DLGAP1: variants seen among roughly 807,000 people sequenced by gnomAD.
The protein encoded by DLGAP1 is DLG associated protein 1.
DLGAP1 carries 11 observed loss-of-function variants against 90.8 expected under a neutral mutation model. That is an observed-to-expected ratio of 0.12 (90% CI 0.08 to 0.20). The LOEUF is 0.20. DLGAP1 is among the 10% of genes least tolerant of loss of function. DLGAP1 has a pLI of 1.00. For missense variants in DLGAP1, 1,050 were observed against 1,333.8 expected (o/e 0.79, Z 3.31); for synonymous variants, 558 against 540.7 (o/e 1.03, Z -0.44).
chr18:4,200,615 A>G (rs1026806205), intron 1 of DLGAP1, among the ~76,000 whole-genome samples: 2 of 151,658 alleles, frequency 1.3e-5, no homozygotes, highest in Non-Finnish European at 2.9e-5. Context: ...TAAAAAAAAT[A>G]TTGTGAAAAT....
intron 4 of DLGAP1, among the ~76,000 whole-genome samples, chr18:3,828,576 G>A (rs2067851962): frequency 7.1e-6 from 1 of 141,678 alleles, no homozygotes. Flanking sequence ...GGAGCTGAAG[G>A]CTCCAGTGAG....
intron 2 of DLGAP1, among the ~76,000 whole-genome samples, chr18:4,055,455 C>A (rs974542717): frequency 6.6e-6 from 1 of 152,112 alleles, no homozygotes; most frequent in African/African-American, 2.4e-5. Context: ...CTCAAGTGGG[C>A]CCCGGTGTCG....
intron 7 of DLGAP1, among the ~76,000 whole-genome samples, chr18:3,610,695 CA>C (rs2057565475): frequency 6.6e-6 from 1 of 151,856 alleles, no homozygotes; most frequent in Non-Finnish European, 1.5e-5. Context: ...AAAAAATAGC[CA>C]GATGTTGTGG....
At chr18:3,715,742 C>A (rs1388852331) in intron 7 of DLGAP1, among the ~76,000 whole-genome samples, 1 of 152,068 alleles carries the variant, frequency 6.6e-6, no homozygotes, top group Non-Finnish European at 1.5e-5. Flanking sequence ...TGAAAGCATG[C>A]CCTTGAGAGC....
At chr18:3,644,327 C>T (rs2059042952) in intron 7 of DLGAP1, among the ~76,000 whole-genome samples, 2 of 152,116 alleles carry the variant, frequency 1.3e-5, no homozygotes, top group African/African-American at 4.8e-5. Flanking sequence ...CAATCTTTGA[C>T]CTCGTAACTC....
chr18:4,123,486 T>C (rs940503725), intron 2 of DLGAP1, among the ~76,000 whole-genome samples: 2 of 152,130 alleles, frequency 1.3e-5, no homozygotes, highest in Non-Finnish European at 2.9e-5. Flanking sequence ...ACTCGGACTG[T>C]GGGACAGAAA....
intron 3 of DLGAP1, among the ~76,000 whole-genome samples, chr18:3,989,609 G>C (rs191965625): frequency 1.5e-4 from 23 of 152,302 alleles, no homozygotes; most frequent in East Asian, 9.7e-4. Flanking sequence ...ATGTTAACTT[G>C]TCAGTCTTGA....
In DLGAP1 at chr18:4,313,985, G is replaced by A. The variant is rs367562394; in HGVS notation, c.-267+141021C>T. ...TTGCCATGGGGACAAGGATAAGCAC[G>A]GGAGTTTCAGAAGCAAAAATCAGAG... On this transcript the variant is annotated intron_variant, in intron 1 of 12. Coordinates refer to ENST00000315677, the MANE Select transcript of DLGAP1 (RefSeq NM_004746.4). Among the ~76,000 whole-genome samples, 11 of 152,260 alleles carry A rather than the reference G, an allele frequency of 7.2e-5. No individual in the cohort carries two copies. The East Asian group carries it at 9.7e-4, about 13-fold the overall frequency.
chr18:4,318,218 C>T (rs931156298), intron 1 of DLGAP1, among the ~76,000 whole-genome samples: 1 of 152,182 alleles, frequency 6.6e-6, no homozygotes, highest in Non-Finnish European at 1.5e-5. Context: ...GGCTCAAATA[C>T]TTCCCAGAAA....
In DLGAP1 at chr18:3,605,204, A is replaced by T. The variant is rs138208539; in HGVS notation, c.1592-22956T>A. Reference sequence around the variant, plus strand: ...AACCCATCAAGTTCCCTGGGTTTGCATGTGCAATCGATTCCTCGTTAGGGA... The same window carrying T: ...AACCCATCAAGTTCCCTGGGTTTGCTTGTGCAATCGATTCCTCGTTAGGGA... On this transcript the variant is annotated intron_variant, in intron 7 of 12. Coordinates refer to ENST00000315677, the MANE Select transcript of DLGAP1 (RefSeq NM_004746.4). Among the ~76,000 whole-genome samples, 3 of 152,250 alleles carry T rather than the reference A, an allele frequency of 2.0e-5. No individual in the cohort carries two copies. In the East Asian group the frequency reaches 5.8e-4, roughly 29 times the overall value.
At chr18:4,128,888 A>C (rs2076272047) in intron 2 of DLGAP1, among the ~76,000 whole-genome samples, 1 of 152,168 alleles carries the variant, frequency 6.6e-6, no homozygotes, top group African/African-American at 2.4e-5. Context: ...AACTGCTGGT[A>C]AACACCGGCA....
At chr18:3,596,167 T>C (rs1171043470) in intron 7 of DLGAP1, among the ~76,000 whole-genome samples, 1 of 142,012 alleles carries the variant, frequency 7.0e-6, no homozygotes, top group Admixed American at 6.9e-5. Flanking sequence ...TTTTCTTTTC[T>C]TTTTTTTTTT....
At chr18:4,296,789 T>C (rs1240976270) in intron 1 of DLGAP1, among the ~76,000 whole-genome samples, 2 of 152,214 alleles carry the variant, frequency 1.3e-5, no homozygotes, top group Non-Finnish European at 2.9e-5. Context: ...AACCCATATT[T>C]TCCTGTCTTC....
At chr18:3,545,127 A>G (rs2052938545) in intron 9 of DLGAP1, among the ~76,000 whole-genome samples, 1 of 151,956 alleles carries the variant, frequency 6.6e-6, no homozygotes, top group African/African-American at 2.4e-5. Flanking sequence ...TATAAAAATT[A>G]GCCAGGAGTG....
At chr18:3,961,444 G>C (rs1172929137) in intron 3 of DLGAP1, among the ~76,000 whole-genome samples, 2 of 152,146 alleles carry the variant, frequency 1.3e-5, no homozygotes, top group Non-Finnish European at 2.9e-5. Flanking sequence ...GATGAGAGCA[G>C]GCCAGTCCCT....
intron 4 of DLGAP1, among the ~76,000 whole-genome samples, chr18:3,865,993 A>G (rs2070359063): frequency 1.3e-5 from 2 of 152,228 alleles, no homozygotes; most frequent in Admixed American, 6.5e-5. Context: ...TGGAAAGAGC[A>G]CTAGCCTGGG....
chr18:3,823,158 T>C (rs1465484989), intron 4 of DLGAP1, among the ~76,000 whole-genome samples: 1 of 152,232 alleles, frequency 6.6e-6, no homozygotes, highest in African/African-American at 2.4e-5. Context: ...GAGGTCCATG[T>C]ATTTCAGGAG....
intron 2 of DLGAP1, among the ~76,000 whole-genome samples, chr18:4,146,260 G>T (rs1402628): frequency 0.39 from 59,124 of 151,828 alleles, 11,525 homozygotes; most frequent in East Asian, 0.47. Context: ...GTAATAACAC[G>T]GCCCCCATTT....
chr18:4,278,511 CA>C (rs1302176069), intron 1 of DLGAP1, among the ~76,000 whole-genome samples: 3 of 152,126 alleles, frequency 2.0e-5, no homozygotes, highest in African/African-American at 7.2e-5. Context: ...CATTAGCTCC[CA>C]CTTTTAAGTG....
Sources: allele counts gnomAD v4.1 joint callset (sites outside exome capture counted in the v4.1 genomes callset), GRCh38; gene constraint gnomAD v4.1.1; transcripts MANE v1.5; gene names NCBI Gene and HGNC (gene_info 2026-07-23, HGNC 2026-07-21).